Variants in ASAP1 observed in about 807,000 individuals in gnomAD.
The protein encoded by ASAP1 is ArfGAP with SH3 domain, ankyrin repeat and PH domain 1.
A neutral mutation model predicts 145.2 loss-of-function variants in ASAP1; 43 were observed. The ratio of observed to expected loss-of-function variants is 0.30; its 90% CI spans 0.23 to 0.38. The LOEUF (loss-of-function observed/expected upper bound fraction) is 0.38. ASAP1 is among the 10% of genes least tolerant of loss of function. The probability of loss-of-function intolerance (pLI) is 1.00; values close to 1 mark genes in which losing one functional copy is unlikely to be tolerated. For missense variants in ASAP1, 1,018 were observed against 1,355.3 expected (o/e 0.75, Z 3.91); for synonymous variants, 546 against 515.5 (o/e 1.06, Z -0.80).
intron 3 of ASAP1, among the ~76,000 whole-genome samples, chr8:130,267,980 T>A (rs895985791): frequency 1.3e-5 from 2 of 152,154 alleles, no homozygotes; most frequent in Admixed American, 6.5e-5. Flanking sequence ...ATAAAGGTGG[T>A]GCTCCATTCC....
At chr8:130,156,130 A>T (rs1196523315) in intron 12 of ASAP1, among the ~76,000 whole-genome samples, 1 of 152,218 alleles carries the variant, frequency 6.6e-6, no homozygotes, top group Non-Finnish European at 1.5e-5. Flanking sequence ...GTTTTAAAAA[A>T]TTATTTTTAT....
At chr8:130,278,111 T>C (rs1821029065) in intron 3 of ASAP1, among the ~76,000 whole-genome samples, 1 of 151,598 alleles carries the variant, frequency 6.6e-6, no homozygotes, top group Non-Finnish European at 1.5e-5. Context: ...AAAAGTTATG[T>C]AAATTAGTAC....
At chr8:130,223,041 T>C (rs1009541644) in intron 4 of ASAP1, among the ~76,000 whole-genome samples, 1 of 152,206 alleles carries the variant, frequency 6.6e-6, no homozygotes. Flanking sequence ...ACAGGTCTAA[T>C]AACATCTGCC....
At chr8:130,285,439 A>T (rs1158894369) in intron 3 of ASAP1, among the ~76,000 whole-genome samples, 1 of 152,242 alleles carries the variant, frequency 6.6e-6, no homozygotes, top group Non-Finnish European at 1.5e-5. Context: ...TGATCTTATC[A>T]CTAGAAAAAA....
intron 3 of ASAP1, among the ~76,000 whole-genome samples, chr8:130,341,713 G>A (rs1439902881): frequency 6.6e-6 from 1 of 152,150 alleles, no homozygotes; most frequent in Non-Finnish European, 1.5e-5. Context: ...GCCCAGCCCA[G>A]TGAAGGACAC....
chr8:130,251,762 T>C (rs1371302246), intron 3 of ASAP1, among the ~76,000 whole-genome samples: 1 of 152,010 alleles, frequency 6.6e-6, no homozygotes, highest in Non-Finnish European at 1.5e-5. Flanking sequence ...AAACCGAAAA[T>C]AGCAAACATA....
intron 4 of ASAP1, among the ~76,000 whole-genome samples, chr8:130,223,224 G>A (rs1268754542): frequency 6.6e-6 from 1 of 152,092 alleles, no homozygotes; most frequent in African/African-American, 2.4e-5. Context: ...CCACAACCAA[G>A]CACAACCTAG....
intron 3 of ASAP1, among the ~76,000 whole-genome samples, chr8:130,301,976 C>T (rs1586789171): frequency 6.6e-6 from 1 of 152,188 alleles, no homozygotes; most frequent in African/African-American, 2.4e-5. Flanking sequence ...GGGGTGTCCC[C>T]AAAATCTAGA....
intron 2 of ASAP1, among the ~76,000 whole-genome samples, chr8:130,376,903 C>CAA (rs34006260): frequency 0.16 from 4,225 of 25,968 alleles, 1,205 homozygotes; most frequent in Non-Finnish European, 0.23. Context: ...AACTCCATCT[C>CAA]AAAAAAAAAA....
intron 9 of ASAP1, among the ~76,000 whole-genome samples, chr8:130,170,066 T>G (rs28413707): frequency 6.6e-6 from 1 of 152,174 alleles, no homozygotes; most frequent in Non-Finnish European, 1.5e-5. Context: ...CAAAACACTA[T>G]CTGTTTTGCT....
Position 130,232,075 on chromosome 8 carries a change from T to C in ASAP1, c.259+4847A>G, listed in dbSNP as rs571029242. Among the ~76,000 whole-genome samples, 93 of 152,300 alleles carry C rather than the reference T, an allele frequency of 6.1e-4. 1 individual carries two copies. The highest frequency in any genetic ancestry group is 2.1e-3 in the African/African-American group (89 of 41,572). On this transcript the variant is annotated intron_variant, in intron 4 of 29. Transcript: ENST00000518721. ...GACTGCTTGAGTATCCTCAATATGG[T>C]AGCTGGCTTCCTCCAAAGAAAATGA...
At chr8:130,322,863 T>C (rs1255214935) in intron 3 of ASAP1, among the ~76,000 whole-genome samples, 2 of 152,112 alleles carry the variant, frequency 1.3e-5, no homozygotes, top group Non-Finnish European at 1.5e-5. Context: ...TGGGAAAAGA[T>C]CATTTCCAGG....
intron 13 of ASAP1, among the ~76,000 whole-genome samples, chr8:130,140,485 C>T (rs963447856): frequency 1.5e-4 from 23 of 151,844 alleles, no homozygotes; most frequent in African/African-American, 5.6e-4. Context: ...GGCCAAGTAC[C>T]CAATAGTTAC....
intron 24 of ASAP1, among the ~76,000 whole-genome samples, chr8:130,101,732 A>ATTTTTTTTTTTTTTATTTTTTT (rs2097529133): frequency 1.1e-5 from 1 of 86,968 alleles, no homozygotes; most frequent in Non-Finnish European, 2.0e-5. Context: ...CACCTGGTTA[A>ATTTTTTTTTTTTTTATTTTTTT]TTTTTTTTTT....
chr8:130,408,488 A>C (rs574341887), intron 1 of ASAP1, among the ~76,000 whole-genome samples: 21 of 152,242 alleles, frequency 1.4e-4, no homozygotes, highest in African/African-American at 5.1e-4. Context: ...TGGGATTTAC[A>C]CCATCAGTTC....
rs1816782674 is a variant in ASAP1 at position 130,214,627 on chromosome 8, G to A, written c.334C>T (p.Pro112Ser). ...TTGACAAACGCGGTGCCAAGGTCGG[G>A]GTTGTCTCGACTTAAAAAATTACTC... ...FGSNFLSRDN[P>S]DLGTAFVKFS... is the part of the protein sequence containing the mutation. The change falls in exon 5 of 30, where the codon CCC becomes TCC. Residue 112 changes from proline (P) to serine (S), a missense_variant. Transcript: ENST00000518721. 4 of 1,612,636 alleles carry A rather than the reference G, an allele frequency of 2.5e-6. No individual in the cohort carries two copies. In the East Asian group the frequency reaches 8.9e-5, roughly 36 times the overall value.
intron 5 of ASAP1, chr8:130,208,804 A>G (rs532392796): frequency 1.3e-5 from 2 of 152,282 alleles, no homozygotes; most frequent in African/African-American, 4.8e-5. Flanking sequence ...ATTCTTTTGA[A>G]CTTCTGAATC....
At position 130,194,041 on chromosome 8, in the gene ASAP1, T is replaced by C. The variant is rs186777364; in HGVS notation, c.406-5858A>G. 2.0e-4 allele frequency among the ~76,000 whole-genome samples: 30 copies of C among 152,254 alleles called. 1 individual carries two copies. The highest frequency in any genetic ancestry group is 1.7e-3 in the Admixed American group (26 of 15,296). ...ATTGTGGTTAGGCATGAGGGGAAGATAGAAAACCCCAAGAATTAAGAATTT... is the reference window on the plus strand; with the variant it reads ...ATTGTGGTTAGGCATGAGGGGAAGACAGAAAACCCCAAGAATTAAGAATTT... On this transcript the variant is annotated intron_variant, in intron 5 of 29. Coordinates refer to ENST00000518721, the MANE Select transcript of ASAP1 (RefSeq NM_018482.4).
chr8:130,398,008 ATCAG>A (rs1026621383), intron 2 of ASAP1, among the ~76,000 whole-genome samples: 2 of 152,258 alleles, frequency 1.3e-5, no homozygotes, highest in East Asian at 1.9e-4. Flanking sequence ...GAATGAATCA[ATCAG>A]TCAGTCAGAG....
Sources: gnomAD v4.1 joint callset for allele counts (sites outside exome capture counted in the v4.1 genomes callset) on GRCh38, gnomAD v4.1.1 for gene constraint, MANE v1.5 for transcripts, NCBI Gene and HGNC (gene_info 2026-07-23, HGNC 2026-07-21) for gene names.